The following PDE3A variants were observed in gnomAD, a reference collection of about 807,000 sequenced individuals.
The protein encoded by PDE3A is phosphodiesterase 3A.
In PDE3A, 43 loss-of-function variants were observed where a neutral mutation model predicts 98.3. The observed-to-expected ratio is 0.44, with a 90% confidence interval of 0.34 to 0.56. PDE3A has a LOEUF of 0.56. Among genes scored for constraint, PDE3A ranks in the 20% least tolerant of loss-of-function variants. PDE3A has a pLI of 0.01. For missense variants in PDE3A, 1,427 were observed against 1,440.7 expected (o/e 0.99, Z 0.15); for synonymous variants, 663 against 567.9 (o/e 1.17, Z -2.38).
chr12:20,387,399 T>A (rs1943831766), intron 1 of PDE3A, among the ~76,000 whole-genome samples: 1 of 152,060 alleles, frequency 6.6e-6, no homozygotes, highest in Admixed American at 6.6e-5. Flanking sequence ...ATTCTCCCTA[T>A]CTATGAGCAT....
intron 1 of PDE3A, among the ~76,000 whole-genome samples, chr12:20,507,606 A>G (rs1398593321): frequency 6.6e-6 from 1 of 152,010 alleles, no homozygotes; most frequent in African/African-American, 2.4e-5. Context: ...AAATGTGCCA[A>G]ATGGAACTTC....
chr12:20,589,228 G>A (rs1029839932), intron 2 of PDE3A, among the ~76,000 whole-genome samples: 1 of 151,958 alleles, frequency 6.6e-6, no homozygotes, highest in Admixed American at 6.6e-5. Context: ...CCGGCCTCAA[G>A]TATGTTCTTT....
chr12:20,646,583 A>T lies in PDE3A; in HGVS notation c.2345A>T (p.His782Leu). 1 of 1,596,110 alleles carries T rather than the reference A, an allele frequency of 6.3e-7. No individual in the cohort carries two copies. Among genetic ancestry groups the T allele is most frequent in the Non-Finnish European group, 8.6e-7 (1 of 1,163,618 alleles). Residue 782 changes from histidine to leucine, a missense_variant, in exon 11 of 16, where the codon CAT becomes CTT. By Grantham distance (99) the His-to-Leu change is moderately conservative. This residue lies in a region of PDE3A where 273 missense variants were observed against 420.3 expected (regional missense o/e 0.65). Transcript: ENST00000359062. ...GGCCTCTCAACTGTGATTAATGATCATGGTTCAACCAGTGATTCAGGTATG... is the reference window on the plus strand; with the variant it reads ...GGCCTCTCAACTGTGATTAATGATCTTGGTTCAACCAGTGATTCAGGTATG... ...IPGLSTVIND[H>L]GSTSDSDSDS...
At chr12:20,679,464 G>T (rs1203231861) in intron 15 of PDE3A, among the ~76,000 whole-genome samples, 1 of 152,086 alleles carries the variant, frequency 6.6e-6, no homozygotes, top group Non-Finnish European at 1.5e-5. Flanking sequence ...AGCCAGGATG[G>T]TCTCAATCTC....
chr12:20,406,520 G>A (rs1469226595), intron 1 of PDE3A, among the ~76,000 whole-genome samples: 2 of 152,094 alleles, frequency 1.3e-5, no homozygotes, highest in Non-Finnish European at 1.5e-5. Flanking sequence ...CCATTTGTAT[G>A]TCTTCTTTAA....
In PDE3A at chr12:20,548,816, C is replaced by T. The variant is rs188673045; in HGVS notation, c.961-7844C>T. On this transcript the variant is annotated intron_variant, in intron 1 of 15. Coordinates refer to ENST00000359062, the MANE Select transcript of PDE3A (RefSeq NM_000921.5). Reference sequence around the variant, plus strand: ...AATGTCAAATGATTACTTTGGTCATCTGCAACTTAACACTAATCTTATCTG... The same window carrying T: ...AATGTCAAATGATTACTTTGGTCATTTGCAACTTAACACTAATCTTATCTG... Among the ~76,000 whole-genome samples, 142 of 152,244 alleles carry T rather than the reference C, an allele frequency of 9.3e-4. 1 individual carries two copies.
intron 2 of PDE3A, chr12:20,571,996 T>C: frequency 9.2e-7 from 1 of 1,087,988 alleles, no homozygotes; most frequent in Non-Finnish European, 1.1e-6. Context: ...TATTTGACTA[T>C]GGTGTGGCCT....
At chr12:20,499,680 T>G (rs1355262980) in intron 1 of PDE3A, among the ~76,000 whole-genome samples, 3 of 152,198 alleles carry the variant, frequency 2.0e-5, no homozygotes, top group Non-Finnish European at 4.4e-5. Context: ...TATATTCAAT[T>G]TTCTTGTTAT....
At position 20,681,441 on chromosome 12, in the gene PDE3A, A is replaced by G. The variant is rs1945780525; in HGVS notation, c.*1170A>G. 1 of 152,216 alleles carries G rather than the reference A, an allele frequency of 6.6e-6. No individual in the cohort carries two copies. The highest frequency in any genetic ancestry group is 2.1e-4 in the South Asian group (1 of 4,828). 9.4% of individuals were successfully genotyped at this position (152,216 alleles called of 1,614,324 possible). A position where few individuals can be genotyped will look rare whatever the true frequency, so the allele number is the denominator to read the frequency against. ...TGCAAAATATGTGGTAGAGAAAGAA[A>G]AGGAAACAGAAAAATCACTCTGGGT... On this transcript the variant is annotated 3_prime_UTR_variant, in exon 16 of 16. Transcript: ENST00000359062.
rs1461694725 is a variant in PDE3A, at chr12:20,684,150, A to G, written c.*3879A>G. 6.6e-6 allele frequency: 1 copy of G among 152,208 alleles called. No individual in the cohort carries two copies. Among genetic ancestry groups the G allele is most frequent in the African/African-American group, 2.4e-5 (1 of 41,462 alleles). The allele number at this position is 152,208 out of a possible 1,614,324, so 9.4% of individuals were successfully genotyped here. On this transcript the variant is annotated 3_prime_UTR_variant, in exon 16 of 16. Transcript: ENST00000359062. ...TGTGATTATCAAATCCTGATTAATG[A>G]GAAGTGAATAATCTAAAAATCATTT... is the stretch of plus-strand genomic sequence containing the variant.
At chr12:20,506,608 C>T (rs182671476) in intron 1 of PDE3A, among the ~76,000 whole-genome samples, 210 of 151,972 alleles carry the variant, frequency 1.4e-3, no homozygotes, top group South Asian at 2.5e-3. Context: ...ATTTTATAGA[C>T]GAATTTATAA....
chr12:20,506,950 A>G (rs1182955834), intron 1 of PDE3A, among the ~76,000 whole-genome samples: 1 of 152,106 alleles, frequency 6.6e-6, no homozygotes. Flanking sequence ...TTTAGTAAAT[A>G]AAACCATAAA....
intron 1 of PDE3A, among the ~76,000 whole-genome samples, chr12:20,514,188 T>G (rs1192320666): frequency 6.6e-6 from 1 of 152,256 alleles, no homozygotes; most frequent in Non-Finnish European, 1.5e-5. Context: ...TTGCAAGGCA[T>G]AATCAAATAA....
rs1260278486 is a variant in PDE3A, at chr12:20,684,989, A to C, written c.*4718A>C. On this transcript the variant is annotated 3_prime_UTR_variant, in exon 16 of 16. Coordinates refer to ENST00000359062, the MANE Select transcript of PDE3A (RefSeq NM_000921.5). ...ATGTTAGGCAATGTGTGCTATTGCC[A>C]ACACATGGTATTTGTTGAAATACAT... 6.6e-6 allele frequency among the ~76,000 whole-genome samples: 1 copy of C among 152,244 alleles called. No individual in the cohort carries two copies. The highest frequency in any genetic ancestry group is 2.4e-5 in the African/African-American group (1 of 41,478).
intron 1 of PDE3A, among the ~76,000 whole-genome samples, chr12:20,487,853 G>C (rs546251419): frequency 6.6e-6 from 1 of 151,956 alleles, no homozygotes; most frequent in South Asian, 2.1e-4. Flanking sequence ...AGCTAGTCAG[G>C]GAACCTACTA....
intron 15 of PDE3A, among the ~76,000 whole-genome samples, chr12:20,662,519 G>A (rs1167871249): frequency 6.6e-6 from 1 of 152,142 alleles, no homozygotes; most frequent in Non-Finnish European, 1.5e-5. Context: ...CTTGCATGGG[G>A]CCTGTAGCGC....
At chr12:20,628,461 G>T (rs1167151644) in intron 5 of PDE3A, among the ~76,000 whole-genome samples, 1 of 152,074 alleles carries the variant, frequency 6.6e-6, no homozygotes, top group East Asian at 1.9e-4. Flanking sequence ...CTTCCCCCTT[G>T]GATAGTCTCT....
intron 1 of PDE3A, among the ~76,000 whole-genome samples, chr12:20,468,245 T>C (rs1945377940): frequency 6.6e-6 from 1 of 152,182 alleles, no homozygotes; most frequent in Non-Finnish European, 1.5e-5. Context: ...TTCTTTCTTT[T>C]TAATAACATT....
chr12:20,494,488 A>C (rs895642326), intron 1 of PDE3A, among the ~76,000 whole-genome samples: 28 of 152,106 alleles, frequency 1.8e-4, no homozygotes, highest in African/African-American at 6.5e-4. Context: ...GTGTGTAGGT[A>C]CATTTCTTAA....
Sources: allele counts gnomAD v4.1 joint callset (sites outside exome capture counted in the v4.1 genomes callset), GRCh38; gene constraint gnomAD v4.1.1; regional missense constraint gnomAD v4.1.1; transcripts MANE v1.5; gene names NCBI Gene and HGNC (gene_info 2026-07-23, HGNC 2026-07-21).